The following LMO7 variants were observed in gnomAD, a reference collection of about 807,000 sequenced individuals.
The protein encoded by LMO7 is LIM domain only protein 7.
A neutral mutation model predicts 206.5 loss-of-function variants in LMO7; 120 were observed. The observed-to-expected ratio is 0.58, with a 90% CI of 0.50 to 0.68. The LOEUF (loss-of-function observed/expected upper bound fraction) is 0.68, where lower values mean the gene tolerates loss of function less well. LMO7 is among the 30% of genes least tolerant of loss of function. LMO7 has a pLI of 0.00. For missense variants in LMO7, 1,959 were observed against 1,957.9 expected (o/e 1.00, Z -0.01); for synonymous variants, 706 against 681.5 (o/e 1.04, Z -0.56).
intron 1 of LMO7, among the ~76,000 whole-genome samples, chr13:75,696,382 CAAA>C (rs1273982480): frequency 6.6e-6 from 1 of 151,722 alleles, no homozygotes; most frequent in Non-Finnish European, 1.5e-5. Context: ...AACAAACAAA[CAAA>C]AACCCGAAGC....
Position 75,808,012 on chromosome 13 carries a change from T to G in LMO7, c.1729T>G (p.Leu577Val), listed in dbSNP as rs1412210272. The change falls in exon 10 of 31, where the codon TTA (leucine) becomes GTA (valine). Residue 577 changes from leucine to valine, a missense_variant. Leu to Val is a conservative substitution (Grantham distance 32). Transcript: ENST00000377534. ...SKEKSNSCRI[L>V]VPSYRQKKDD... ...AGAAAAAAGTAATAGCTGTAGAATA[T>G]TAGTTCCTTCATATCGGCAGAAGAA... is the stretch of plus-strand genomic sequence containing the variant. The G allele has an allele frequency of 3.7e-6, 6 of 1,613,936 alleles. No homozygotes were observed. The highest frequency in any genetic ancestry group is 1.3e-5 in the African/African-American group (1 of 75,026).
intron 1 of LMO7, among the ~76,000 whole-genome samples, chr13:75,686,561 A>AT (rs2041020210): frequency 7.1e-6 from 1 of 141,118 alleles, no homozygotes; most frequent in Non-Finnish European, 1.5e-5. Flanking sequence ...TCTGTAAGGG[A>AT]TAAAATATAT....
chr13:75,793,954 C>G (rs570762776), intron 4 of LMO7, among the ~76,000 whole-genome samples: 89 of 151,792 alleles, frequency 5.9e-4, no homozygotes, highest in Non-Finnish European at 1.0e-3. Context: ...TTTTTCTTTC[C>G]ATTATTTGAG....
At position 75,858,072 on chromosome 13, in the gene LMO7, T is replaced by C. The variant is rs2061110977; in HGVS notation, c.*129T>C. The stretch of plus-strand genomic sequence containing the variant: ...AAAAAAAAGAATAACTTTTTTTGCC[T>C]CTTTAGATTACATAGAAGCATTGTA... On this transcript the variant is annotated 3_prime_UTR_variant, in exon 31 of 31. Transcript: ENST00000377534. 8.7e-6 allele frequency: 9 copies of C among 1,034,224 alleles called. No homozygotes were observed. The Admixed American group carries it at 1.9e-4, about 22-fold the overall frequency. The allele number at this position is 1,034,224 out of a possible 1,614,324, so 64.1% of individuals were successfully genotyped here. A position where few individuals can be genotyped will look rare whatever the true frequency, so the allele number is the denominator to read the frequency against.
chr13:75,741,009 T>C (rs1174349544), intron 3 of LMO7, among the ~76,000 whole-genome samples: 2 of 152,242 alleles, frequency 1.3e-5, no homozygotes, highest in Admixed American at 1.3e-4. Flanking sequence ...GACCTTGGTG[T>C]TTCGTTGAGT....
chr13:75,750,835 T>C (rs2047214994), intron 3 of LMO7, among the ~76,000 whole-genome samples: 1 of 152,214 alleles, frequency 6.6e-6, no homozygotes, highest in African/African-American at 2.4e-5. Flanking sequence ...GGGTCAGTGG[T>C]CCTCCATTTT....
In LMO7 at chr13:75,807,574, C is replaced by T; in HGVS notation, c.1291C>T (p.Leu431Phe). The change falls in exon 10 of 31, where the codon CTC (leucine) becomes TTC (phenylalanine). Residue 431 changes from leucine to phenylalanine, a missense_variant. Coordinates refer to ENST00000377534, the MANE Select transcript of LMO7 (RefSeq NM_001306080.2). ...AATTGATCCCACTTCTGGCCCAAGG[C>T]TCATAACCCGCAGGAAGAATCTCTC... ...TKIDPTSGPRLITRRKNLSYA... is the reference protein window; with the variant it reads ...TKIDPTSGPRFITRRKNLSYA... The T allele has an allele frequency of 6.2e-7, 1 of 1,613,994 alleles. No homozygotes were observed. The highest frequency in any genetic ancestry group is 8.5e-7 in the Non-Finnish European group (1 of 1,179,878).
rs1428714191 is a variant in LMO7, at chr13:75,828,665, A to G, written c.2950-4386A>G. Among the ~76,000 whole-genome samples the G allele has an allele frequency of 3.9e-5, 6 of 152,324 alleles. No homozygotes were observed. The South Asian group carries it at 8.3e-4, about 21-fold the overall frequency. ...TAAAAATGGAGTGTGATATAATAGC[A>G]TGTTCTATAACTAAAGTTCTGGCAA... On this transcript the variant is annotated intron_variant, in intron 15 of 30. Transcript: ENST00000377534.
At chr13:75,715,691 T>C (rs1190441760) in intron 2 of LMO7, among the ~76,000 whole-genome samples, 1 of 152,236 alleles carries the variant, frequency 6.6e-6, no homozygotes, top group Non-Finnish European at 1.5e-5. Context: ...CACATTCATC[T>C]AAAAGCTGTG....
chr13:75,713,294 A>T (rs753734579), intron 2 of LMO7, 42 bp downstream of exon 2: 2 of 1,436,538 alleles, frequency 1.4e-6, no homozygotes, highest in East Asian at 4.9e-5. Context: ...AAAAGCAAAG[A>T]TATGTGTGTG....
At chr13:75,841,543 A>T in intron 23 of LMO7, 85 bp from the exon 24 acceptor site, 6 of 969,734 alleles carry the variant, frequency 6.2e-6, no homozygotes, top group Non-Finnish European at 7.7e-6. Flanking sequence ...AGTTAGTAGC[A>T]TCTAAAACTG....
chr13:75,701,434 G>A (rs924074476), intron 1 of LMO7, among the ~76,000 whole-genome samples: 37 of 152,186 alleles, frequency 2.4e-4, no homozygotes, highest in African/African-American at 7.2e-4. Flanking sequence ...ATCCCACAGC[G>A]ATGCCTTTCC....
intron 2 of LMO7, chr13:75,623,381 T>G (rs1384142342): frequency 3.3e-6 from 3 of 912,656 alleles, no homozygotes; most frequent in Non-Finnish European, 5.4e-6. Flanking sequence ...TTTTTCTTTT[T>G]GATACGGAGT....
At chr13:75,680,323 T>C (rs1226383685) in intron 1 of LMO7, among the ~76,000 whole-genome samples, 1 of 152,224 alleles carries the variant, frequency 6.6e-6, no homozygotes, top group East Asian at 1.9e-4. Context: ...GTTGATTCCA[T>C]GTCTTTGCTA....
chr13:75,810,143 A>G (rs761524166), intron 11 of LMO7, among the ~76,000 whole-genome samples: 1 of 152,148 alleles, frequency 6.6e-6, no homozygotes, highest in Non-Finnish European at 1.5e-5. Context: ...TCATTTATTC[A>G]TTCTTAGTAC....
At chr13:75,806,736 A>G (rs1259076003) in intron 9 of LMO7, 2 of 152,254 alleles carry the variant, frequency 1.3e-5, no homozygotes, top group Non-Finnish European at 2.9e-5. Context: ...CCTATTGCAT[A>G]AAGTGCATGA....
chr13:75,646,034 G>A (rs539889433), intron 1 of LMO7, among the ~76,000 whole-genome samples: 25 of 152,184 alleles, frequency 1.6e-4, no homozygotes, highest in African/African-American at 5.5e-4. Flanking sequence ...AGCATGTCAC[G>A]CTCAGTGGGT....
intron 4 of LMO7, among the ~76,000 whole-genome samples, chr13:75,783,155 A>G (rs1370371184): frequency 6.6e-6 from 1 of 152,264 alleles, no homozygotes; most frequent in Admixed American, 6.5e-5. Flanking sequence ...GATGTATTTT[A>G]CAGCATATAC....
intron 3 of LMO7, among the ~76,000 whole-genome samples, chr13:75,727,386 T>A (rs2044580363): frequency 6.6e-6 from 1 of 151,984 alleles, no homozygotes; most frequent in African/African-American, 2.4e-5. Flanking sequence ...TAGTGGTTAC[T>A]AATTTCTAAA....
Sources: allele counts gnomAD v4.1 joint callset (sites outside exome capture counted in the v4.1 genomes callset), GRCh38; gene constraint gnomAD v4.1.1; transcripts MANE v1.5; gene names NCBI Gene and HGNC (gene_info 2026-07-23, HGNC 2026-07-21).